The following KSR2 variants were observed in gnomAD, a reference collection of about 807,000 sequenced individuals.
KSR2 encodes kinase suppressor of ras 2.
Under a neutral mutation model 107.8 loss-of-function variants are expected in KSR2, and 25 were observed. The ratio of observed to expected loss-of-function variants is 0.23; its 90% confidence interval spans 0.17 to 0.32. The LOEUF (loss-of-function observed/expected upper bound fraction) is 0.32. Ranked by LOEUF, KSR2 falls within the 10% of genes least tolerant of loss-of-function variation. KSR2 has a pLI of 1.00. For missense variants in KSR2, 887 were observed against 1,268.9 expected (o/e 0.70, Z 4.57); for synonymous variants, 480 against 507.0 (o/e 0.95, Z 0.71).
chr12:117,952,869 C>T (rs564986575), intron 1 of KSR2, among the ~76,000 whole-genome samples: 1 of 151,156 alleles, frequency 6.6e-6, no homozygotes, highest in South Asian at 2.1e-4. Context: ...CCTGTGATTC[C>T]AGCTACTTAG....
At chr12:117,948,574 A>T (rs1896266609) in intron 1 of KSR2, among the ~76,000 whole-genome samples, 1 of 152,182 alleles carries the variant, frequency 6.6e-6, no homozygotes, top group Non-Finnish European at 1.5e-5. Context: ...GATCAGTGGG[A>T]CAGGATAGAG....
rs138280926 is a variant in KSR2, at chr12:117,852,629, G to T, written c.472+2799C>A. On this transcript the variant is annotated intron_variant, in intron 3 of 19. Transcript: ENST00000339824. ...ACTGGAATCTCACTCTACTTTTAAG[G>T]ATGCTGCCAAACTCAGTAGTGCCTC... Among the ~76,000 whole-genome samples the T allele has an allele frequency of 2.0e-5, 3 of 152,208 alleles. No individual in the cohort carries two copies. The East Asian group carries it at 5.8e-4, about 29-fold the overall frequency.
At chr12:117,950,777 A>G (rs918380394) in intron 1 of KSR2, among the ~76,000 whole-genome samples, 7 of 132,856 alleles carry the variant, frequency 5.3e-5, no homozygotes, top group South Asian at 4.8e-4. Context: ...TAATGATAAT[A>G]ATAATAATAA....
chr12:117,892,845 T>A (rs1894390355), intron 1 of KSR2, among the ~76,000 whole-genome samples: 4 of 149,800 alleles, frequency 2.7e-5, no homozygotes, highest in Admixed American at 2.7e-4. Flanking sequence ...TTAAAGTGAA[T>A]TTTTATAAAT....
chr12:117,509,986 G>A (rs1873929876), intron 14 of KSR2, among the ~76,000 whole-genome samples: 1 of 152,206 alleles, frequency 6.6e-6, no homozygotes, highest in East Asian at 1.9e-4. Context: ...TCATCACTCA[G>A]TCTCAGAGCA....
intron 5 of KSR2, among the ~76,000 whole-genome samples, chr12:117,634,057 C>G (rs1485295697): frequency 6.6e-6 from 1 of 152,198 alleles, no homozygotes; most frequent in Non-Finnish European, 1.5e-5. Context: ...CTGTGTCTGT[C>G]TTACATACCC....
chr12:117,572,010 C>T (rs1057325255), intron 7 of KSR2, among the ~76,000 whole-genome samples: 16 of 152,168 alleles, frequency 1.1e-4, no homozygotes, highest in African/African-American at 3.6e-4. Flanking sequence ...CCTCAGGTAG[C>T]AGCAGCCTGA....
chr12:117,828,168 C>CTACTT (rs1891825882), intron 3 of KSR2, among the ~76,000 whole-genome samples: 3 of 152,188 alleles, frequency 2.0e-5, no homozygotes, highest in Non-Finnish European at 4.4e-5. Context: ...TTCACCGCTG[C>CTACTT]GTCCCCAGGG....
At chr12:117,877,988 T>A (rs1381551406) in intron 1 of KSR2, among the ~76,000 whole-genome samples, 14 of 152,146 alleles carry the variant, frequency 9.2e-5, no homozygotes, top group Admixed American at 9.2e-4. Flanking sequence ...TTATTTGTTG[T>A]AAATATCACA....
At chr12:117,527,328 C>G (rs7309195) in intron 12 of KSR2, among the ~76,000 whole-genome samples, 7 of 129,502 alleles carry the variant, frequency 5.4e-5, no homozygotes, top group African/African-American at 2.1e-4. Context: ...CACACACAGA[C>G]ACACACACAC....
chr12:117,503,167 G>T (rs916408659), intron 14 of KSR2, among the ~76,000 whole-genome samples: 57 of 152,204 alleles, frequency 3.7e-4, no homozygotes, highest in African/African-American at 1.3e-3. Flanking sequence ...GTCAAAGCCA[G>T]GTTTCAGACC....
At chr12:117,776,623 T>C (rs1331879486) in intron 3 of KSR2, among the ~76,000 whole-genome samples, 1 of 152,038 alleles carries the variant, frequency 6.6e-6, no homozygotes, top group African/African-American at 2.4e-5. Flanking sequence ...GATATAAACC[T>C]TGATGGTCGC....
intron 1 of KSR2, among the ~76,000 whole-genome samples, chr12:117,879,674 G>T (rs1017518164): frequency 2.0e-5 from 3 of 152,190 alleles, no homozygotes; most frequent in Non-Finnish European, 4.4e-5. Context: ...CCATGATTGT[G>T]CCACTGCACT....
intron 3 of KSR2, among the ~76,000 whole-genome samples, chr12:117,836,465 A>G (rs1222773007): frequency 1.3e-5 from 2 of 152,220 alleles, no homozygotes; most frequent in Non-Finnish European, 2.9e-5. Context: ...TCCCGCTCAG[A>G]TGGAGAGGTT....
At chr12:117,506,343 T>C (rs1873677068) in intron 14 of KSR2, among the ~76,000 whole-genome samples, 1 of 152,242 alleles carries the variant, frequency 6.6e-6, no homozygotes, top group Non-Finnish European at 1.5e-5. Context: ...CCATATTATA[T>C]GTTAATACTC....
In KSR2 at chr12:117,968,243, T is replaced by C; in HGVS notation, c.13A>G (p.Asn5Asp). The change falls in exon 1 of 20, where the codon AAC becomes GAC. Residue 5 changes from asparagine (N) to aspartate (D), a missense_variant. This residue lies in a region of KSR2 where 32 missense variants were observed against 25.9 expected (regional missense o/e 1.23). Coordinates refer to ENST00000339824, the MANE Select transcript of KSR2 (RefSeq NM_173598.6). ...TGCTGCTCCTCGCTTTTCGTCATGT[T>C]TTCCTCATCCATCGCTTGCTCTGCA... MDEE[N>D]MTKSEEQQPL... 6.5e-7 allele frequency: 1 copy of C among 1,530,692 alleles called. No individual in the cohort carries two copies. The highest frequency in any genetic ancestry group is 8.8e-7 in the Non-Finnish European group (1 of 1,133,626). 94.8% of individuals were successfully genotyped at this position (1,530,692 alleles called of 1,614,324 possible). A position where few individuals can be genotyped will look rare whatever the true frequency, so the allele number is the denominator to read the frequency against.
chr12:117,806,186 T>A (rs937852124), intron 3 of KSR2, among the ~76,000 whole-genome samples: 1 of 152,124 alleles, frequency 6.6e-6, no homozygotes, highest in Non-Finnish European at 1.5e-5. Context: ...GATCACAGGA[T>A]AGGAATATGG....
intron 3 of KSR2, among the ~76,000 whole-genome samples, chr12:117,796,021 G>T (rs1566020224): frequency 6.6e-6 from 1 of 152,176 alleles, no homozygotes. Flanking sequence ...TAACCATCTG[G>T]GCTCAAATGA....
intron 5 of KSR2, among the ~76,000 whole-genome samples, chr12:117,620,702 G>T (rs76044150): frequency 0.02 from 3,107 of 152,234 alleles, 108 homozygotes; most frequent in African/African-American, 0.071. Context: ...TGCTTACATG[G>T]CTCAAATGTA....
Sources: allele counts gnomAD v4.1 joint callset (sites outside exome capture counted in the v4.1 genomes callset), GRCh38; gene constraint gnomAD v4.1.1; regional missense constraint gnomAD v4.1.1; transcripts MANE v1.5; gene names NCBI Gene and HGNC (gene_info 2026-07-23, HGNC 2026-07-21).